The following FRMD4A variants were observed in gnomAD, a reference collection of about 807,000 sequenced individuals.
The protein encoded by FRMD4A is FERM domain containing 4A.
FRMD4A carries 29 observed loss-of-function variants against 129.1 expected under a neutral mutation model. That is an observed-to-expected ratio of 0.22 (90% CI 0.17 to 0.31). The LOEUF (loss-of-function observed/expected upper bound fraction) is 0.31. Ranked by LOEUF, FRMD4A falls within the 10% of genes least tolerant of loss-of-function variation. The pLI, the probability that FRMD4A is intolerant of heterozygous loss-of-function variation, is 1.00. For synonymous variants in FRMD4A, 634 were observed against 571.6 expected, an observed-to-expected ratio of 1.11 and a Z score of -1.56; for missense variants, 1,272 against 1,375.8, an observed-to-expected ratio of 0.92 and a Z score of 1.19.
chr10:14,223,068 C>G (rs1380540540), intron 2 of FRMD4A, among the ~76,000 whole-genome samples: 2 of 152,180 alleles, frequency 1.3e-5, no homozygotes, highest in African/African-American at 4.8e-5. Flanking sequence ...GCCTGGGCAA[C>G]AGAGTGAGTT....
intron 2 of FRMD4A, among the ~76,000 whole-genome samples, chr10:14,208,776 T>G (rs1212947757): frequency 6.6e-6 from 1 of 152,170 alleles, no homozygotes; most frequent in African/African-American, 2.4e-5. Context: ...TGGCCTCTTC[T>G]CATGCACCTG....
At chr10:14,208,709 C>T (rs1338141119) in intron 2 of FRMD4A, among the ~76,000 whole-genome samples, 1 of 152,132 alleles carries the variant, frequency 6.6e-6, no homozygotes, top group Non-Finnish European at 1.5e-5. Context: ...TTTCCCTTTA[C>T]AAGGAAGGGG....
At chr10:13,702,291 C>A (rs192196995) in intron 13 of FRMD4A, among the ~76,000 whole-genome samples, 2 of 152,064 alleles carry the variant, frequency 1.3e-5, no homozygotes, top group African/African-American at 4.8e-5. Context: ...CTCTAACTCC[C>A]GGCCTCAGGT....
intron 2 of FRMD4A, among the ~76,000 whole-genome samples, chr10:14,197,474 C>T (rs1842505652): frequency 6.6e-6 from 1 of 152,180 alleles, no homozygotes; most frequent in South Asian, 2.1e-4. Flanking sequence ...AATTCTCCTG[C>T]CTCAGCCTCC....
At chr10:14,285,406 G>A (rs1845650567) in intron 2 of FRMD4A, among the ~76,000 whole-genome samples, 5 of 152,220 alleles carry the variant, frequency 3.3e-5, no homozygotes, top group Admixed American at 3.3e-4. Flanking sequence ...TTCAACTGGG[G>A]CACCACTGGA....
intron 19 of FRMD4A, among the ~76,000 whole-genome samples, chr10:13,662,695 G>C (rs1217655880): frequency 6.6e-6 from 1 of 152,138 alleles, no homozygotes; most frequent in African/African-American, 2.4e-5. Flanking sequence ...CAGTTTTCCA[G>C]CCTGAGTGTG....
At chr10:13,658,796 C>T (rs1266811140) in intron 21 of FRMD4A, among the ~76,000 whole-genome samples, 1 of 150,642 alleles carries the variant, frequency 6.6e-6, no homozygotes, top group East Asian at 2.0e-4. Context: ...GCAGGAGAAT[C>T]GCTTGAACAC....
chr10:13,900,662 C>T (rs1205355023), intron 2 of FRMD4A, among the ~76,000 whole-genome samples: 2 of 151,970 alleles, frequency 1.3e-5, no homozygotes, highest in African/African-American at 4.8e-5. Flanking sequence ...TTTGGGAGGT[C>T]GAGGTGGGTG....
intron 22 of FRMD4A, among the ~76,000 whole-genome samples, chr10:13,656,124 A>G (rs2082120599): frequency 1.3e-5 from 2 of 152,164 alleles, no homozygotes. Context: ...GCAGCCAGGA[A>G]TTCTGTCAAA....
At chr10:13,781,982 C>T (rs764219158) in intron 6 of FRMD4A, among the ~76,000 whole-genome samples, 4 of 152,106 alleles carry the variant, frequency 2.6e-5, no homozygotes, top group East Asian at 1.9e-4. Context: ...AACTGACTTC[C>T]GTGTATGCTG....
At chr10:14,167,781 G>GTAGACA (rs1841267251) in intron 2 of FRMD4A, among the ~76,000 whole-genome samples, 1 of 152,088 alleles carries the variant, frequency 6.6e-6, no homozygotes, top group Non-Finnish European at 1.5e-5. Context: ...AGTCAGCAGG[G>GTAGACA]TAGACAGACA....
At chr10:14,068,582 G>A (rs1279604136) in intron 2 of FRMD4A, among the ~76,000 whole-genome samples, 2 of 152,148 alleles carry the variant, frequency 1.3e-5, no homozygotes, top group African/African-American at 4.8e-5. Flanking sequence ...AAAAGGTTAT[G>A]GGGATTGGGA....
intron 23 of FRMD4A, 78 bp downstream of exon 23, chr10:13,654,338 T>A (rs1039290102): frequency 3.2e-6 from 3 of 945,554 alleles, no homozygotes; most frequent in Non-Finnish European, 5.3e-6. Context: ...TACTGACATA[T>A]CCTTATGTCA....
At chr10:14,026,071 C>G (rs192325975) in intron 2 of FRMD4A, among the ~76,000 whole-genome samples, 1 of 152,316 alleles carries the variant, frequency 6.6e-6, no homozygotes, top group East Asian at 1.9e-4. Context: ...TTCTGTTAAA[C>G]TCTGGTCTCC....
intron 2 of FRMD4A, among the ~76,000 whole-genome samples, chr10:14,287,362 T>C (rs143882747): frequency 7.4e-4 from 112 of 152,368 alleles, no homozygotes; most frequent in African/African-American, 2.5e-3. Context: ...CCTTCCTTTT[T>C]GTATCCTCTC....
chr10:13,946,332 C>T (rs1391656893), intron 2 of FRMD4A, among the ~76,000 whole-genome samples: 1 of 152,344 alleles, frequency 6.6e-6, no homozygotes. Flanking sequence ...TACTCAGAAT[C>T]CCTGTCCCTA....
At chr10:13,683,229 A>T (rs1275178992) in intron 15 of FRMD4A, among the ~76,000 whole-genome samples, 1 of 152,122 alleles carries the variant, frequency 6.6e-6, no homozygotes, top group Non-Finnish European at 1.5e-5. Context: ...TGTGGGAGAG[A>T]CACGAACAGC....
At chr10:13,982,657 C>G (rs1317553892) in intron 2 of FRMD4A, among the ~76,000 whole-genome samples, 2 of 152,212 alleles carry the variant, frequency 1.3e-5, no homozygotes, top group African/African-American at 4.8e-5. Flanking sequence ...CCCACTCAGT[C>G]CATTAGACAC....
At chr10:14,315,222 T>C (rs1238894) in intron 2 of FRMD4A, among the ~76,000 whole-genome samples, 8,066 of 152,142 alleles carry the variant, frequency 0.053, 639 homozygotes, top group African/African-American at 0.17. Flanking sequence ...CACCCGAATA[T>C]TGATGACCCT....
Sources: gnomAD v4.1 joint callset for allele counts (sites outside exome capture counted in the v4.1 genomes callset) on GRCh38, gnomAD v4.1.1 for gene constraint, MANE v1.5 for transcripts, NCBI Gene and HGNC (gene_info 2026-07-23, HGNC 2026-07-21) for gene names.